Variants in STAT4 observed in about 807,000 individuals in gnomAD.
STAT4 encodes signal transducer and activator of transcription 4.
STAT4 carries 42 observed loss-of-function variants against 110.5 expected under a neutral mutation model. That is an observed-to-expected ratio of 0.38 (90% CI 0.30 to 0.49). STAT4 has a LOEUF of 0.49. Ranked by LOEUF, STAT4 falls within the 20% of genes least tolerant of loss-of-function variation. The pLI is 0.95. For missense variants in STAT4, 632 were observed against 887.9 expected (o/e 0.71, Z 3.66); for synonymous variants, 284 against 302.2 (o/e 0.94, Z 0.63).
chr2:191,048,380 A>G (rs768443694), intron 14 of STAT4, among the ~76,000 whole-genome samples: 49 of 152,204 alleles, frequency 3.2e-4, no homozygotes, highest in Admixed American at 5.2e-4. Flanking sequence ...CATGACTGTC[A>G]TAGTCTTCAT....
At position 191,113,343 on chromosome 2, in the gene STAT4, C is replaced by T. The variant is rs886530293; in HGVS notation, c.273+33270G>A. 2.0e-5 allele frequency among the ~76,000 whole-genome samples: 3 copies of T among 152,178 alleles called. No individual in the cohort carries two copies. Among genetic ancestry groups the T allele is most frequent in the African/African-American group, 7.2e-5 (3 of 41,428 alleles). On this transcript the variant is annotated intron_variant, in intron 3 of 23. Coordinates refer to ENST00000392320, the MANE Select transcript of STAT4 (RefSeq NM_003151.4). The surrounding 1 kb of genome is among the most constrained non-coding windows in gnomAD (Gnocchi z 4.8). ...TTGCATCTGAACTTGTCTCTTAGTA[C>T]CTATATTACAGTTGTTCCTTTGATC...
In STAT4 at chr2:191,043,836, T is replaced by C. The variant is rs1004684596; in HGVS notation, c.1252-2688A>G. On this transcript the variant is annotated intron_variant, in intron 14 of 23. Coordinates refer to ENST00000392320, the MANE Select transcript of STAT4 (RefSeq NM_003151.4). This position sits in a 1 kb window ranked among gnomAD's most constrained non-coding sequence, Gnocchi z 4.8. ...TATTTTGTTGAGCAAGAAAAGCAAG[T>C]TGTGATAAAATATATACATAAGGAT... 6.6e-6 allele frequency among the ~76,000 whole-genome samples: 1 copy of C among 152,158 alleles called. No individual in the cohort carries two copies. The highest frequency in any genetic ancestry group is 2.4e-5 in the African/African-American group (1 of 41,442).
rs1321420695 is a variant in STAT4 at position 191,061,643 on chromosome 2, A to C, written c.1034+86T>G. On this transcript the variant is annotated intron_variant, in intron 10 of 23. Coordinates refer to ENST00000392320, the MANE Select transcript of STAT4 (RefSeq NM_003151.4). This position sits in a 1 kb window ranked among gnomAD's most constrained non-coding sequence, Gnocchi z 6.2. ...GGTTCAATAAAGAACAGCTGAATGC[A>C]AGCCACAATGAGAGAAATTGGCCTT... 3.2e-6 allele frequency: 4 copies of C among 1,258,896 alleles called. No individual in the cohort carries two copies. Among genetic ancestry groups the C allele is most frequent in the Non-Finnish European group, 4.7e-6 (4 of 858,388 alleles). The allele number at this position is 1,258,896 out of a possible 1,614,324, so 78.0% of individuals were successfully genotyped here. A position where few individuals can be genotyped will look rare whatever the true frequency, so the allele number is the denominator to read the frequency against.
At chr2:191,094,558 C>T (rs971621336) in intron 3 of STAT4, among the ~76,000 whole-genome samples, 1 of 152,114 alleles carries the variant, frequency 6.6e-6, no homozygotes, top group African/African-American at 2.4e-5. Flanking sequence ...TTGTCACTAC[C>T]AGACCTGCCT....
intron 3 of STAT4, among the ~76,000 whole-genome samples, chr2:191,141,504 T>A (rs147918026): frequency 1.5e-3 from 208 of 143,316 alleles, no homozygotes; most frequent in African/African-American, 5.1e-3. Context: ...ATATCACATA[T>A]ATACATACAC....
At position 191,043,539 on chromosome 2, in the gene STAT4, C is replaced by T. The variant is rs114579551; in HGVS notation, c.1252-2391G>A. 1.6e-3 allele frequency among the ~76,000 whole-genome samples: 237 copies of T among 152,062 alleles called. No homozygotes were observed. The highest frequency in any genetic ancestry group is 5.0e-3 in the African/African-American group (207 of 41,510). On this transcript the variant is annotated intron_variant, in intron 14 of 23. Coordinates refer to ENST00000392320, the MANE Select transcript of STAT4 (RefSeq NM_003151.4). This position sits in a 1 kb window ranked among gnomAD's most constrained non-coding sequence, Gnocchi z 4.8. ...AAGTAGAAGATGCACATTACCTATA[C>T]GTAACAATTCTTGTTGAATCATCTG... is the stretch of plus-strand genomic sequence containing the variant.
At chr2:191,063,513 A>G (rs1393373487) in intron 8 of STAT4, among the ~76,000 whole-genome samples, 1 of 152,158 alleles carries the variant, frequency 6.6e-6, no homozygotes, top group Non-Finnish European at 1.5e-5. Context: ...CACCTCAGAA[A>G]CGGAGGTGGC....
At position 191,140,363 on chromosome 2, in the gene STAT4, A is replaced by G. The variant is rs1028495504; in HGVS notation, c.273+6250T>C. On this transcript the variant is annotated intron_variant, in intron 3 of 23. Transcript: ENST00000392320. This position sits in a 1 kb window ranked among gnomAD's most constrained non-coding sequence, Gnocchi z 4.4. ...GCTATGTATCTGACAAAGGACTAAT[A>G]TCCATAATCTGCAAGGAACTCAAAC... Among the ~76,000 whole-genome samples, 2 of 152,246 alleles carry G rather than the reference A, an allele frequency of 1.3e-5. No individual in the cohort carries two copies. The highest frequency in any genetic ancestry group is 2.9e-5 in the Non-Finnish European group (2 of 68,048).
Position 191,147,472 on chromosome 2 carries a change from C to T in STAT4, c.128+604G>A, listed in dbSNP as rs1266405923. Among the ~76,000 whole-genome samples the T allele has an allele frequency of 6.6e-6, 1 of 151,928 alleles. No homozygotes were observed. Among genetic ancestry groups the T allele is most frequent in the Non-Finnish European group, 1.5e-5 (1 of 67,974 alleles). On this transcript the variant is annotated intron_variant, in intron 2 of 23. Transcript: ENST00000392320. This position sits in a 1 kb window ranked among gnomAD's most constrained non-coding sequence, Gnocchi z 4.1. ...CCTAGAGTAGTCAAATTCACAGAGACAGAAAATAGAATGGTGATTGCCAGG... is the reference window on the plus strand; with the variant it reads ...CCTAGAGTAGTCAAATTCACAGAGATAGAAAATAGAATGGTGATTGCCAGG...
Position 191,033,484 on chromosome 2 carries a change from A to G in STAT4, c.1852+6T>C, listed in dbSNP as rs201561308. ...TTCACATGAATAAACATTAGTGAGT[A>G]TATACCACTTTCAGAATGGTCCACC... is the stretch of plus-strand genomic sequence containing the variant. On this transcript the variant is annotated splice_donor_region_variant and intron_variant, in intron 20 of 23. Transcript: ENST00000392320. The surrounding 1 kb of genome is among the most constrained non-coding windows in gnomAD (Gnocchi z 6.9). 2.5e-6 allele frequency: 4 copies of G among 1,608,578 alleles called. No individual in the cohort carries two copies. The Admixed American group carries it at 6.9e-5, about 28-fold the overall frequency.
In STAT4 at chr2:191,061,952, A is replaced by G. The variant is rs1254286343; in HGVS notation, c.942-131T>C. On this transcript the variant is annotated intron_variant, in intron 9 of 23. Transcript: ENST00000392320. This position sits in a 1 kb window ranked among gnomAD's most constrained non-coding sequence, Gnocchi z 6.2. ...CACTTAGAAGATATTCAAACCCCCA[A>G]TTAAACTCAAATCTTTACAATGACT... is the stretch of plus-strand genomic sequence containing the variant. 1.4e-6 allele frequency: 1 copy of G among 735,372 alleles called. No individual in the cohort carries two copies. Among genetic ancestry groups the G allele is most frequent in the Admixed American group, 2.6e-5 (1 of 37,930 alleles). The allele number at this position is 735,372 out of a possible 1,614,324, so 45.6% of individuals were successfully genotyped here. A position where few individuals can be genotyped will look rare whatever the true frequency, so the allele number is the denominator to read the frequency against.
chr2:191,038,247 C>T (rs529602693), intron 16 of STAT4, among the ~76,000 whole-genome samples: 2 of 152,248 alleles, frequency 1.3e-5, no homozygotes, highest in South Asian at 4.1e-4. Context: ...AAGTTCTGCT[C>T]TTTTTGGGGC....
chr2:191,151,284 T>C, upstream of STAT4: 1 of 985,672 alleles, frequency 1.0e-6, no homozygotes, highest in Non-Finnish European at 1.2e-6. The surrounding 1 kb of genome is among the most constrained non-coding windows in gnomAD (Gnocchi z 4.7). Context: ...GCATACATTT[T>C]CTTCAGTGGT....
intron 6 of STAT4, among the ~76,000 whole-genome samples, chr2:191,067,465 C>T (rs1274098431): frequency 6.6e-6 from 1 of 152,160 alleles, no homozygotes; most frequent in African/African-American, 2.4e-5. Context: ...GAAAATTAAA[C>T]ACCACACCTA....
Position 191,100,707 on chromosome 2 carries a change from C to T in STAT4, c.274-24382G>A, listed in dbSNP as rs964978322. On this transcript the variant is annotated intron_variant, in intron 3 of 23. Transcript: ENST00000392320. ...TAGTCAGATATATCAACCTCTTTCT[C>T]CTATCATCTTGGATAAAAATCTTAT... Among the ~76,000 whole-genome samples the T allele has an allele frequency of 2.0e-5, 3 of 151,808 alleles. No individual in the cohort carries two copies. The South Asian group carries it at 6.2e-4, about 32-fold the overall frequency.
Position 191,031,098 on chromosome 2 carries a change from G to T in STAT4, c.2112-18C>A. Reference sequence around the variant, plus strand: ...CACTTCGGCTTAAAGAGATAACAAGGTCAATATGGACAAGGATTAAAAAAT... The same window carrying T: ...CACTTCGGCTTAAAGAGATAACAAGTTCAATATGGACAAGGATTAAAAAAT... On this transcript the variant is annotated intron_variant, in intron 22 of 23. Coordinates refer to ENST00000392320, the MANE Select transcript of STAT4 (RefSeq NM_003151.4). The surrounding 1 kb of genome is among the most constrained non-coding windows in gnomAD (Gnocchi z 4.8). 6.2e-7 allele frequency: 1 copy of T among 1,609,236 alleles called. No individual in the cohort carries two copies. Among genetic ancestry groups the T allele is most frequent in the Non-Finnish European group, 8.5e-7 (1 of 1,175,638 alleles).
At chr2:191,069,071 A>G (rs1697072699) in intron 6 of STAT4, among the ~76,000 whole-genome samples, 1 of 152,152 alleles carries the variant, frequency 6.6e-6, no homozygotes, top group Admixed American at 6.6e-5. Context: ...TAAATGCAGT[A>G]CACAAAATTA....
intron 18 of STAT4, among the ~76,000 whole-genome samples, 156 bp downstream of exon 18, chr2:191,034,392 C>T (rs1005708457): frequency 6.7e-6 from 1 of 148,168 alleles, no homozygotes; most frequent in African/African-American, 2.5e-5. Context: ...CACTGCACTC[C>T]AGCCTGGGTG....
chr2:191,146,590 G>T lies in STAT4; in HGVS notation c.273+23C>A, dbSNP rs185607693. On this transcript the variant is annotated intron_variant, in intron 3 of 23. Transcript: ENST00000392320. This position sits in a 1 kb window ranked among gnomAD's most constrained non-coding sequence, Gnocchi z 4.5. ...TAAGACTCATATATCCAAATATTTTGGAAAAGTAGAATGCATTCTTACCTG... is the reference window on the plus strand; with the variant it reads ...TAAGACTCATATATCCAAATATTTTTGAAAAGTAGAATGCATTCTTACCTG... The T allele has an allele frequency of 7.6e-4, 1,096 of 1,448,206 alleles. No individual in the cohort carries two copies. Among genetic ancestry groups the T allele is most frequent in the Non-Finnish European group, 9.6e-4 (1,049 of 1,094,676 alleles). The allele number at this position is 1,448,206 out of a possible 1,614,324, so 89.7% of individuals were successfully genotyped here.
Sources: gnomAD v4.1 joint callset for allele counts (sites outside exome capture counted in the v4.1 genomes callset) on GRCh38, gnomAD v4.1.1 for gene constraint, Gnocchi (gnomAD v3.1) non-coding constraint, MANE v1.5 for transcripts, NCBI Gene and HGNC (gene_info 2026-07-23, HGNC 2026-07-21) for gene names.